Variants in ZDHHC13 observed in about 807,000 individuals in gnomAD.
ZDHHC13 encodes palmitoyltransferase ZDHHC13.
Under a neutral mutation model 86.0 loss-of-function variants are expected in ZDHHC13, and 85 were observed. The ratio of observed to expected loss-of-function variants is 0.99; its 90% CI spans 0.83 to 1.18. ZDHHC13 has a LOEUF of 1.18. Among genes scored for constraint, ZDHHC13 ranks in the 50% most tolerant of loss-of-function variants. The pLI is 0.00. For synonymous variants in ZDHHC13, 263 were observed against 246.4 expected, an observed-to-expected ratio of 1.07 and a Z score of -0.63; for missense variants, 711 against 730.2, an observed-to-expected ratio of 0.97 and a Z score of 0.30.
intron 1 of ZDHHC13, among the ~76,000 whole-genome samples, chr11:19,120,453 GGAA>G (rs1437254643): frequency 2.0e-5 from 3 of 152,206 alleles, no homozygotes; most frequent in South Asian, 4.1e-4. Flanking sequence ...GAAAGAGCCA[GGAA>G]GAAGAAGCTG....
chr11:19,166,800 A>G (rs1453084744), intron 14 of ZDHHC13: 3 of 154,750 alleles, frequency 1.9e-5, no homozygotes, highest in South Asian at 2.0e-4. Flanking sequence ...CTGAAAGCCC[A>G]TGCCATTTGG....
At chr11:19,140,648 G>A (rs1849288254) in intron 1 of ZDHHC13, among the ~76,000 whole-genome samples, 1 of 152,014 alleles carries the variant, frequency 6.6e-6, no homozygotes, top group African/African-American at 2.4e-5. Flanking sequence ...TCACAATAGT[G>A]AAGACTTGGA....
At chr11:19,166,407 A>T (rs775028386) in intron 14 of ZDHHC13, 22 bp downstream of exon 14, 1 of 1,578,788 alleles carries the variant, frequency 6.3e-7, no homozygotes, top group African/African-American at 1.4e-5. Flanking sequence ...TTTTTCTTAC[A>T]ACAAGCACAT....
intron 1 of ZDHHC13, among the ~76,000 whole-genome samples, chr11:19,134,346 A>G (rs1012521747): frequency 2.0e-5 from 3 of 152,136 alleles, no homozygotes; most frequent in Non-Finnish European, 2.9e-5. Context: ...ACTAAAAACT[A>G]AAAAATTAGC....
chr11:19,144,432 AGTGTGTGT>A (rs142248923), intron 2 of ZDHHC13, among the ~76,000 whole-genome samples: 13 of 143,174 alleles, frequency 9.1e-5, no homozygotes, highest in South Asian at 4.5e-4. Context: ...AGAGCTATGG[AGTGTGTGT>A]GTGTGTGTGT....
chr11:19,150,850 T>C, intron 6 of ZDHHC13, 59 bp downstream of exon 6: 1 of 1,493,196 alleles, frequency 6.7e-7, no homozygotes, highest in Non-Finnish European at 9.3e-7. Flanking sequence ...CTTTTCTGTG[T>C]ATGTAATTTT....
rs555474736 is a variant in ZDHHC13 at position 19,135,483 on chromosome 11, A to G, written c.28-7495A>G. Among the ~76,000 whole-genome samples the G allele has an allele frequency of 3.6e-3, 556 of 152,372 alleles. 2 individuals are homozygous for G. Among genetic ancestry groups the G allele is most frequent in the Non-Finnish European group, 6.3e-3 (428 of 68,032 alleles). The stretch of plus-strand genomic sequence containing the variant: ...GTCTGAGATCAAACTGCAAGGCGGC[A>G]GCGAGGCTGGGGAGGGGCGCCCGCC... On this transcript the variant is annotated intron_variant, in intron 1 of 16. Transcript: ENST00000446113.
intron 11 of ZDHHC13, 97 bp from the exon 12 acceptor site, chr11:19,164,204 C>A: frequency 7.9e-7 from 1 of 1,259,542 alleles, no homozygotes; most frequent in Non-Finnish European, 1.1e-6. Context: ...TTTCTAACTA[C>A]TTCAGTTTGG....
At chr11:19,126,555 G>A (rs1318486830) in intron 1 of ZDHHC13, among the ~76,000 whole-genome samples, 1 of 118,512 alleles carries the variant, frequency 8.4e-6, no homozygotes, top group Non-Finnish European at 1.7e-5. Context: ...TCACCATGTT[G>A]ACCAGGCTGT....
intron 14 of ZDHHC13, 26 bp from the exon 15 acceptor site, chr11:19,170,385 T>C: frequency 6.9e-7 from 1 of 1,448,530 alleles, no homozygotes; most frequent in Non-Finnish European, 9.0e-7. Context: ...CTTTTTTTTT[T>C]TTTTTTTTTT....
At chr11:19,131,762 C>T (rs1364671155) in intron 1 of ZDHHC13, among the ~76,000 whole-genome samples, 1 of 151,996 alleles carries the variant, frequency 6.6e-6, no homozygotes, top group Non-Finnish European at 1.5e-5. Context: ...GTCTCTCGAG[C>T]AGCTGAGATT....
chr11:19,149,179 A>G lies in ZDHHC13; in HGVS notation c.375-8A>G, dbSNP rs765176535. 7 of 1,529,480 alleles carry G rather than the reference A, an allele frequency of 4.6e-6. No individual in the cohort carries two copies. The highest frequency in any genetic ancestry group is 6.2e-6 in the Non-Finnish European group (7 of 1,127,642). 94.7% of individuals were successfully genotyped at this position (1,529,480 alleles called of 1,614,324 possible). On this transcript the variant is annotated splice_region_variant and splice_polypyrimidine_tract_variant and intron_variant, in intron 4 of 16. Transcript: ENST00000446113. ...GCTACAGAATGGCTTTTTGTCTTCT[A>G]TTTGCAGACAAGGACATTTACCTAT...
intron 10 of ZDHHC13, among the ~76,000 whole-genome samples, chr11:19,159,654 A>T (rs1236376551): frequency 6.6e-6 from 1 of 151,968 alleles, no homozygotes; most frequent in East Asian, 1.9e-4. Flanking sequence ...ACTAATGAAT[A>T]GCAGCCTGAG....
chr11:19,136,218 G>A (rs1474368022), intron 1 of ZDHHC13, among the ~76,000 whole-genome samples: 8 of 152,260 alleles, frequency 5.3e-5, no homozygotes, highest in East Asian at 3.9e-4. Context: ...CAATACAGAG[G>A]AGTGCTTAAA....
intron 4 of ZDHHC13, among the ~76,000 whole-genome samples, chr11:19,148,430 A>G (rs1849525957): frequency 6.6e-6 from 1 of 152,134 alleles, no homozygotes; most frequent in Non-Finnish European, 1.5e-5. Flanking sequence ...ATAGTCAAGC[A>G]TAAGAAAAGC....
intron 9 of ZDHHC13, among the ~76,000 whole-genome samples, chr11:19,156,892 A>G (rs1213624381): frequency 2.0e-5 from 3 of 152,216 alleles, no homozygotes; most frequent in Non-Finnish European, 2.9e-5. Context: ...AAAGTGCTTT[A>G]GTAACTTTTT....
rs115715264 is a variant in ZDHHC13 at position 19,145,336 on chromosome 11, C to T, written c.174-845C>T. 8.2e-3 allele frequency among the ~76,000 whole-genome samples: 1,250 copies of T among 152,236 alleles called. 12 individuals carry two copies. Among genetic ancestry groups the T allele is most frequent in the African/African-American group, 0.027 (1,137 of 41,528 alleles). On this transcript the variant is annotated intron_variant, in intron 2 of 16. Transcript: ENST00000446113. ...TCTCACCTGTATTTATTGCAATAAT[C>T]TCTAAATTCGTATTTCACTCTCTGT...
Position 19,133,942 on chromosome 11 carries a change from T to TATATATATATATATATATATAC in ZDHHC13, c.28-9035_28-9034insTATATATATATATATATATACA. ...GTCCATATATATATATATATATATA[T>TATATATATATATATATATATAC]ACACGTATGTGTTTTATATACTTCA... On this transcript the variant is annotated intron_variant, in intron 1 of 16. Coordinates refer to ENST00000446113, the MANE Select transcript of ZDHHC13 (RefSeq NM_019028.3). 6.2e-3 allele frequency among the ~76,000 whole-genome samples: 593 copies of TATATATATATATATATATATAC among 95,846 alleles called. 22 individuals are homozygous for TATATATATATATATATATATAC. Among genetic ancestry groups the TATATATATATATATATATATAC allele is most frequent in the African/African-American group, 0.018 (522 of 29,386 alleles). 62.9% of individuals were successfully genotyped at this position (95,846 alleles called of 152,430 possible).
intron 9 of ZDHHC13, among the ~76,000 whole-genome samples, chr11:19,156,780 C>T (rs1849768144): frequency 6.6e-6 from 1 of 152,194 alleles, no homozygotes; most frequent in African/African-American, 2.4e-5. Flanking sequence ...ACCAAGTCTC[C>T]TCACTGGTCT....
Sources: gnomAD v4.1 joint callset for allele counts (sites outside exome capture counted in the v4.1 genomes callset) on GRCh38, gnomAD v4.1.1 for gene constraint, MANE v1.5 for transcripts, NCBI Gene and HGNC (gene_info 2026-07-23, HGNC 2026-07-21) for gene names.